Variants in AOAH observed in about 807,000 individuals in gnomAD.
The protein encoded by AOAH is acyloxyacyl hydrolase (neutrophil).
Under a neutral mutation model 92.2 loss-of-function variants are expected in AOAH, and 64 were observed. The ratio of observed to expected loss-of-function variants is 0.69; its 90% CI spans 0.57 to 0.86. The LOEUF (loss-of-function observed/expected upper bound fraction) is 0.86, where lower values mean the gene tolerates loss of function less well. Among genes scored for constraint, AOAH ranks in the 40% least tolerant of loss-of-function variants. The pLI is 0.00. For synonymous variants in AOAH, 263 were observed against 254.5 expected, an observed-to-expected ratio of 1.03 and a Z score of -0.32; for missense variants, 656 against 694.6, an observed-to-expected ratio of 0.94 and a Z score of 0.62.
At chr7:36,696,992 A>C (rs73101541) in intron 1 of AOAH, among the ~76,000 whole-genome samples, 1 of 152,266 alleles carries the variant, frequency 6.6e-6, no homozygotes, top group Non-Finnish European at 1.5e-5. Context: ...GTCTGACAAT[A>C]CAGTTTTACT....
Position 36,669,059 on chromosome 7 carries a change from A to G in AOAH, c.290+4884T>C, listed in dbSNP as rs1176776289. Among the ~76,000 whole-genome samples the G allele has an allele frequency of 4.6e-5, 7 of 152,324 alleles. No individual in the cohort carries two copies. In the East Asian group the frequency reaches 5.8e-4, roughly 13 times the overall value. ...AGAATTACAGTCGATGATGATGACC[A>G]TCGTTATCATCATAAATCTAAAGAG... On this transcript the variant is annotated intron_variant, in intron 3 of 20. Transcript: ENST00000617537.
At chr7:36,596,544 G>A (rs1327927572) in intron 11 of AOAH, among the ~76,000 whole-genome samples, 1 of 152,252 alleles carries the variant, frequency 6.6e-6, no homozygotes, top group Non-Finnish European at 1.5e-5. Flanking sequence ...AAGAAGAGGA[G>A]GAGGAAGAGA....
chr7:36,634,411 C>T (rs1399571930), intron 5 of AOAH, among the ~76,000 whole-genome samples: 1 of 152,146 alleles, frequency 6.6e-6, no homozygotes, highest in Non-Finnish European at 1.5e-5. Flanking sequence ...AATCTAATTA[C>T]CGGTGCATGC....
In AOAH at chr7:36,577,884, A is replaced by G. The variant is rs144783494; in HGVS notation, c.939-1228T>C. On this transcript the variant is annotated intron_variant, in intron 12 of 20. Coordinates refer to ENST00000617537, the MANE Select transcript of AOAH (RefSeq NM_001637.4). Reference sequence around the variant, plus strand: ...GTTCACATCTCACAACCTTACATACAATCACCAATTATTAAGTGTTATATG... The same window carrying G: ...GTTCACATCTCACAACCTTACATACGATCACCAATTATTAAGTGTTATATG... Among the ~76,000 whole-genome samples the G allele has an allele frequency of 2.8e-4, 43 of 152,330 alleles. 2 individuals carry two copies. Among genetic ancestry groups the G allele is most frequent in the African/African-American group, 8.2e-4 (34 of 41,584 alleles).
chr7:36,655,049 C>T (rs1164148690), intron 4 of AOAH, among the ~76,000 whole-genome samples: 3 of 152,168 alleles, frequency 2.0e-5, no homozygotes, highest in Non-Finnish European at 4.4e-5. Context: ...TATCCATATA[C>T]CAAGTAAGTA....
intron 9 of AOAH, 86 bp from the exon 10 acceptor site, chr7:36,618,431 G>A: frequency 8.2e-7 from 1 of 1,217,060 alleles, no homozygotes; most frequent in Non-Finnish European, 1.2e-6. Context: ...GGCTTTAAAA[G>A]CACAAAGGCA....
chr7:36,687,420 T>C (rs1029897848), intron 1 of AOAH, among the ~76,000 whole-genome samples: 6 of 152,218 alleles, frequency 3.9e-5, no homozygotes, highest in African/African-American at 1.2e-4. Flanking sequence ...GTTAGGAATA[T>C]ATTCCTTCTG....
intron 1 of AOAH, among the ~76,000 whole-genome samples, chr7:36,711,333 C>A (rs945219222): frequency 6.6e-6 from 1 of 152,016 alleles, no homozygotes; most frequent in African/African-American, 2.4e-5. Context: ...TTAAAATATT[C>A]TGTATTCTTA....
chr7:36,598,803 C>T (rs2115613792), intron 11 of AOAH, among the ~76,000 whole-genome samples: 1 of 152,292 alleles, frequency 6.6e-6, no homozygotes, highest in Non-Finnish European at 1.5e-5. Flanking sequence ...AGTCCTATCA[C>T]ATTAAACACT....
intron 1 of AOAH, among the ~76,000 whole-genome samples, chr7:36,723,370 A>C (rs1799773817): frequency 6.6e-6 from 1 of 152,338 alleles, no homozygotes; most frequent in South Asian, 2.1e-4. Flanking sequence ...CTTGGAAATA[A>C]AACACTTCAT....
In AOAH at chr7:36,632,745, A is replaced by G. The variant is rs191636870; in HGVS notation, c.451-639T>C. On this transcript the variant is annotated intron_variant, in intron 5 of 20. Transcript: ENST00000617537. ...CAATAGGGTAGAAAAGTGAGGCACC[A>G]GCATTTATCAATGAAGGGAGAGAGA... is the stretch of plus-strand genomic sequence containing the variant. Among the ~76,000 whole-genome samples, 32 of 152,390 alleles carry G rather than the reference A, an allele frequency of 2.1e-4. 1 individual carries two copies. Among genetic ancestry groups the G allele is most frequent in the Admixed American group, 1.0e-3 (16 of 15,310 alleles).
Position 36,540,474 on chromosome 7 carries a change from G to C in AOAH, c.1151C>G (p.Pro384Arg), listed in dbSNP as rs1393885627. The C allele has an allele frequency of 6.2e-7, 1 of 1,611,070 alleles. No individual in the cohort carries two copies. Among genetic ancestry groups the C allele is most frequent in the Non-Finnish European group, 8.5e-7 (1 of 1,178,574 alleles). ...GAGTTTCTCAGGAGTGGTCATGGCT[G>C]GGACTGGGTCACTCTTCCTGTTGGT... ...DVCSGKSDPVPAMTTPEKLYS... is the reference protein window; with the variant it reads ...DVCSGKSDPVRAMTTPEKLYS... Residue 384 changes from proline to arginine, a missense_variant, in exon 16 of 21, where the codon CCA becomes CGA. By Grantham distance (103) the Pro-to-Arg change is moderately radical (BLOSUM62 -2). Transcript: ENST00000617537.
intron 1 of AOAH, among the ~76,000 whole-genome samples, chr7:36,710,256 T>C (rs1471028579): frequency 1.3e-5 from 2 of 152,184 alleles, no homozygotes; most frequent in Non-Finnish European, 2.9e-5. Context: ...AATCAAGATT[T>C]TCCTAGATGG....
At chr7:36,612,922 T>C (rs1791570679) in intron 11 of AOAH, among the ~76,000 whole-genome samples, 1 of 152,234 alleles carries the variant, frequency 6.6e-6, no homozygotes, top group South Asian at 2.1e-4. Flanking sequence ...ATTTAAATCT[T>C]GCCTTATATT....
intron 4 of AOAH, among the ~76,000 whole-genome samples, chr7:36,651,798 G>A (rs1022376784): frequency 1.6e-4 from 24 of 152,234 alleles, no homozygotes; most frequent in Middle Eastern, 3.4e-3. Context: ...TGCAAAATAT[G>A]TTTGATAATT....
At chr7:36,542,232 C>T (rs1785471306) in intron 15 of AOAH, among the ~76,000 whole-genome samples, 1 of 152,138 alleles carries the variant, frequency 6.6e-6, no homozygotes, top group African/African-American at 2.4e-5. Context: ...TGCTGAGGAT[C>T]GCTGGAAGCC....
intron 1 of AOAH, among the ~76,000 whole-genome samples, chr7:36,703,077 T>C (rs1161110704): frequency 6.6e-6 from 1 of 152,168 alleles, no homozygotes; most frequent in Admixed American, 6.6e-5. Flanking sequence ...CAATTCCTCA[T>C]CCATTTAGAT....
intron 3 of AOAH, among the ~76,000 whole-genome samples, chr7:36,668,557 GC>G: frequency 2.0e-5 from 3 of 152,308 alleles, no homozygotes; most frequent in Middle Eastern, 6.8e-3. Context: ...CGCTATCTCA[GC>G]TCACTGCAAC....
intron 1 of AOAH, among the ~76,000 whole-genome samples, chr7:36,715,270 A>T (rs1799062773): frequency 6.6e-6 from 1 of 152,184 alleles, no homozygotes; most frequent in African/African-American, 2.4e-5. Context: ...CTTACAAGGG[A>T]CATGAAGGAC....
Sources: allele counts gnomAD v4.1 joint callset (sites outside exome capture counted in the v4.1 genomes callset), GRCh38; gene constraint gnomAD v4.1.1; transcripts MANE v1.5; gene names NCBI Gene and HGNC (gene_info 2026-07-23, HGNC 2026-07-21).